Variants in SYCP1 observed in about 807,000 individuals in gnomAD.
The protein encoded by SYCP1 is synaptonemal complex protein 1.
SYCP1 carries 64 observed loss-of-function variants against 153.1 expected under a neutral mutation model. The ratio of observed to expected loss-of-function variants is 0.42; its 90% CI spans 0.34 to 0.51. The LOEUF (loss-of-function observed/expected upper bound fraction) is 0.51, where lower values mean the gene tolerates loss of function less well. Ranked by LOEUF, SYCP1 falls within the 20% of genes least tolerant of loss-of-function variation. The pLI is 0.06. For synonymous variants in SYCP1, 384 were observed against 341.8 expected (o/e 1.12, Z -1.36); for missense variants, 997 against 1,049.0 (o/e 0.95, Z 0.68).
intron 23 of SYCP1, among the ~76,000 whole-genome samples, chr1:114,942,913 A>G (rs1171461377): frequency 6.6e-6 from 1 of 151,994 alleles, no homozygotes; most frequent in East Asian, 1.9e-4. Context: ...ACATATATAA[A>G]GAACAAAGGA....
chr1:114,954,705 C>T (rs1176908378), intron 27 of SYCP1, among the ~76,000 whole-genome samples: 1 of 151,996 alleles, frequency 6.6e-6, no homozygotes, highest in African/African-American at 2.4e-5. Context: ...CTCAGCTTCC[C>T]GAGCAGCTGG....
chr1:114,906,198 C>A (rs912089224), intron 16 of SYCP1, among the ~76,000 whole-genome samples: 6 of 152,054 alleles, frequency 3.9e-5, no homozygotes, highest in Admixed American at 3.9e-4. Flanking sequence ...AACTCCTGAC[C>A]TCAAGTGATG....
intron 17 of SYCP1, 38 bp from the exon 18 acceptor site, chr1:114,911,440 GA>G: frequency 6.8e-7 from 1 of 1,475,736 alleles, no homozygotes; most frequent in Non-Finnish European, 9.1e-7. Flanking sequence ...GAGAAAATTC[GA>G]AAAACACTTG....
intron 26 of SYCP1, among the ~76,000 whole-genome samples, chr1:114,946,778 C>G (rs1161280721): frequency 6.6e-6 from 1 of 152,016 alleles, no homozygotes; most frequent in Non-Finnish European, 1.5e-5. Context: ...CTTTCTGTGT[C>G]CCCCAGGCTG....
At chr1:114,860,275 T>C (rs1252596590) in intron 7 of SYCP1, among the ~76,000 whole-genome samples, 1 of 152,192 alleles carries the variant, frequency 6.6e-6, no homozygotes, top group Non-Finnish European at 1.5e-5. Flanking sequence ...AACTTCAAGA[T>C]AGCCACAGGT....
intron 27 of SYCP1, among the ~76,000 whole-genome samples, chr1:114,965,781 C>T (rs575759733): frequency 2.0e-5 from 3 of 152,296 alleles, no homozygotes; most frequent in Admixed American, 2.0e-4. Context: ...CATCGATGTT[C>T]ATCAGGGATA....
intron 16 of SYCP1, among the ~76,000 whole-genome samples, chr1:114,900,811 T>G (rs1667392617): frequency 6.6e-6 from 1 of 152,216 alleles, no homozygotes; most frequent in African/African-American, 2.4e-5. Flanking sequence ...CCTTACCAAG[T>G]TGAACAGTTC....
intron 27 of SYCP1, 122 bp from the exon 28 acceptor site, chr1:114,977,435 T>G (rs1672871956): frequency 3.3e-6 from 2 of 607,286 alleles, no homozygotes; most frequent in Admixed American, 4.1e-5. Flanking sequence ...TTTTATTACT[T>G]TATAAGATTG....
chr1:114,947,315 G>C lies in SYCP1; in HGVS notation c.2317G>C (p.Glu773Gln). The change falls in exon 27 of 32, where the codon GAG (glutamate) becomes CAG (glutamine). Residue 773 changes from glutamate (E) to glutamine (Q), a missense_variant. Physicochemically the swap from Glu to Gln is conservative, Grantham distance 29. This residue lies in a region of SYCP1 where 712 missense variants were observed against 682.9 expected (regional missense o/e 1.04). Coordinates refer to ENST00000369522, the MANE Select transcript of SYCP1 (RefSeq NM_003176.4). ...VKKQLEIERE[E>Q]KEKLKREAKE... ...GAAGCAACTTGAAATAGAAAGAGAA[G>C]AGAAGGTAGGTTTTTTGGCATTATA... The C allele has an allele frequency of 6.2e-7, 1 of 1,612,208 alleles. No homozygotes were observed. The highest frequency in any genetic ancestry group is 8.5e-7 in the Non-Finnish European group (1 of 1,179,154).
intron 8 of SYCP1, among the ~76,000 whole-genome samples, chr1:114,864,111 C>A (rs1160147884): frequency 1.3e-5 from 2 of 149,938 alleles, no homozygotes; most frequent in African/African-American, 4.9e-5. Context: ...ACACATTCTG[C>A]ACATGTATCC....
chr1:114,982,512 T>A (rs1165645896), intron 29 of SYCP1, among the ~76,000 whole-genome samples: 8 of 151,788 alleles, frequency 5.3e-5, no homozygotes. Context: ...TTCTAGTAAA[T>A]TTTTCATTTC....
In SYCP1 at chr1:114,857,458, CTG is replaced by C; in HGVS notation, c.254_255del (p.Cys85SerfsTer10). 1 of 1,599,618 alleles carries C rather than the reference CTG, an allele frequency of 6.3e-7. No homozygotes were observed. Among genetic ancestry groups the C allele is most frequent in the Non-Finnish European group, 8.5e-7 (1 of 1,172,784 alleles). Reference protein sequence around the residue: ...PVLEQVGNSDCHYQEGLKDSD... With the variant: ...PVLEQVGNSDXHYQEGLKDSD... The stretch of plus-strand genomic sequence containing the variant: ...TATCTTTTTAGGTTGGTAATTCTGA[CTG>C]TCACTATCAGGAAGGACTAAAAGAC... On this transcript the variant is annotated frameshift_variant, in exon 5 of 32. Transcript: ENST00000369522. LOFTEE classifies it high-confidence loss of function.
At chr1:114,932,073 G>T (rs1212163384) in intron 23 of SYCP1, among the ~76,000 whole-genome samples, 4 of 152,060 alleles carry the variant, frequency 2.6e-5, no homozygotes, top group Admixed American at 2.6e-4. Context: ...ATTTTAAATG[G>T]GTTATAGGCA....
chr1:114,925,288 T>C (rs986912096), intron 21 of SYCP1, among the ~76,000 whole-genome samples: 1 of 152,144 alleles, frequency 6.6e-6, no homozygotes, highest in African/African-American at 2.4e-5. Context: ...AGCCTGTTGT[T>C]TGTTAATGGA....
chr1:114,974,035 T>C (rs1406389355), intron 27 of SYCP1, among the ~76,000 whole-genome samples: 1 of 151,880 alleles, frequency 6.6e-6, no homozygotes, highest in Non-Finnish European at 1.5e-5. Context: ...AAGTCAGCTT[T>C]ATCTGGTATT....
At chr1:114,957,267 C>CT (rs1291913105) in intron 27 of SYCP1, among the ~76,000 whole-genome samples, 2 of 152,062 alleles carry the variant, frequency 1.3e-5, no homozygotes, top group South Asian at 2.1e-4. Flanking sequence ...GCTATGTTGC[C>CT]TAAACTGGTC....
chr1:114,885,942 G>A (rs1666266908), intron 13 of SYCP1, among the ~76,000 whole-genome samples, 183 bp from the exon 14 acceptor site: 1 of 152,112 alleles, frequency 6.6e-6, no homozygotes, highest in African/African-American at 2.4e-5. Flanking sequence ...AACTATAGGT[G>A]GGATTTGGAG....
chr1:114,865,191 C>T (rs576236560), intron 8 of SYCP1, among the ~76,000 whole-genome samples: 63 of 151,764 alleles, frequency 4.2e-4, no homozygotes, highest in African/African-American at 1.3e-3. Context: ...ATAATGCCAA[C>T]GTCTGCAATA....
chr1:114,881,543 T>TTCCTTCCTTCCTTCCTTCCTCCCTTC (rs1383711421), intron 12 of SYCP1, among the ~76,000 whole-genome samples: 1 of 123,206 alleles, frequency 8.1e-6, no homozygotes, highest in Non-Finnish European at 1.7e-5. Flanking sequence ...TTCCTTCCTT[T>TTCCTTCCTTCCTTCCTTCCTCCCTTC]CTTGATGGAG....
Sources: allele counts gnomAD v4.1 joint callset (sites outside exome capture counted in the v4.1 genomes callset), GRCh38; gene constraint gnomAD v4.1.1; regional missense constraint gnomAD v4.1.1; transcripts MANE v1.5; gene names NCBI Gene and HGNC (gene_info 2026-07-23, HGNC 2026-07-21).